Variants in LIPE observed in about 807,000 individuals in gnomAD.
LIPE encodes hormone-sensitive lipase.
In LIPE, 66 loss-of-function variants were observed where a neutral mutation model predicts 88.5. The observed-to-expected ratio is 0.75, with a 90% CI of 0.61 to 0.91. The LOEUF is 0.91. LIPE is among the 40% of genes least tolerant of loss of function. The pLI is 0.00. For synonymous variants in LIPE, 570 were observed against 617.5 expected (o/e 0.92, Z 1.14); for missense variants, 1,346 against 1,434.7 (o/e 0.94, Z 1.00).
chr19:42,421,915 A>G (rs1222944085), intron 1 of LIPE, among the ~76,000 whole-genome samples: 3 of 152,222 alleles, frequency 2.0e-5, no homozygotes, highest in Non-Finnish European at 4.4e-5. Flanking sequence ...AGTTTGCAGG[A>G]ATGAGCCTTT....
chr19:42,426,568 G>A lies in LIPE; in HGVS notation c.582C>T (p.Ala194=), dbSNP rs1459820608. 8.7e-6 allele frequency: 14 copies of A among 1,614,140 alleles called. No individual in the cohort carries two copies. The African/African-American group carries it at 1.2e-4, about 14-fold the overall frequency. ...SDKQTTPVQG[A]KSKQGSLTEL... ...CTGTCAAAGATCCCTGCTTGGATTT[G>A]GCTCCCTGGACTGGCGTTGTTTGCT... Residue 194 remains alanine (A), a synonymous_variant, in exon 1 of 10, where the codon GCC becomes GCT. Transcript: ENST00000244289.
chr19:42,407,830 G>C lies in LIPE; in HGVS notation c.1657-39C>G. On this transcript the variant is annotated intron_variant, in intron 4 of 9. Coordinates refer to ENST00000244289, the MANE Select transcript of LIPE (RefSeq NM_005357.4). The surrounding 1 kb of genome is among the most constrained non-coding windows in gnomAD (Gnocchi z 5.8). ...ACAGAAGGGGTGCTAGGGAAGGTCT[G>C]CCTGCAGGGGTGCCCTTCACCTCTC... 1 of 1,546,120 alleles carries C rather than the reference G, an allele frequency of 6.5e-7. No individual in the cohort carries two copies. Among genetic ancestry groups the C allele is most frequent in the African/African-American group, 1.4e-5 (1 of 73,144 alleles).
rs2040219098 is a variant in LIPE at position 42,407,359 on chromosome 19, T to C, written c.1952A>G (p.His651Arg). Reference protein sequence around the residue: ...PRSRSLIVHFHGGGFVAQTSR... With the variant: ...PRSRSLIVHFRGGGFVAQTSR... ...GGTCTGGGCCACAAAGCCACCGCCG[T>C]GGAAGTGCACTATCAGGGACCGCGA... The change falls in exon 6 of 10, where the codon CAC becomes CGC. Residue 651 changes from histidine to arginine, a missense_variant. Transcript: ENST00000244289. The surrounding 1 kb of genome is among the most constrained non-coding windows in gnomAD (Gnocchi z 5.8). 1.2e-6 allele frequency: 2 copies of C among 1,613,322 alleles called. No homozygotes were observed. The highest frequency in any genetic ancestry group is 1.7e-6 in the Non-Finnish European group (2 of 1,179,738).
chr19:42,421,480 T>C (rs2040597191), intron 1 of LIPE, among the ~76,000 whole-genome samples: 1 of 152,218 alleles, frequency 6.6e-6, no homozygotes, highest in Non-Finnish European at 1.5e-5. Context: ...CTGAGTAATA[T>C]CTGTGTCCCC....
chr19:42,407,024 G>T lies in LIPE; in HGVS notation c.2137+150C>A. 1 of 690,354 alleles carries T rather than the reference G, an allele frequency of 1.4e-6. No homozygotes were observed. Among genetic ancestry groups the T allele is most frequent in the Non-Finnish European group, 2.4e-6 (1 of 423,148 alleles). The allele number at this position is 690,354 out of a possible 1,614,324, so 42.8% of individuals were successfully genotyped here. Reference sequence around the variant, plus strand: ...GGGGACAGAGGATAAAGTGGCTGAGGTGGAAGATTGGGCAGGACCTGGGTG... The same window carrying T: ...GGGGACAGAGGATAAAGTGGCTGAGTTGGAAGATTGGGCAGGACCTGGGTG... On this transcript the variant is annotated intron_variant, in intron 6 of 9. Coordinates refer to ENST00000244289, the MANE Select transcript of LIPE (RefSeq NM_005357.4). The surrounding 1 kb of genome is among the most constrained non-coding windows in gnomAD (Gnocchi z 5.8).
Position 42,402,908 on chromosome 19 carries a change from G to A in LIPE, c.2666C>T (p.Ser889Leu), listed in dbSNP as rs376702744. ...LSLRGNSETS[S>L]DTPEMSLSAE... ...TGACAGCGACATCTCGGGGGTGTCCGACGACGTCTCGGAGTTTCCCCTCAG... is the reference window on the plus strand; with the variant it reads ...TGACAGCGACATCTCGGGGGTGTCCAACGACGTCTCGGAGTTTCCCCTCAG... The change falls in exon 9 of 10, where the codon TCG (serine) becomes TTG (leucine). Residue 889 changes from serine to leucine, a missense_variant. Ser to Leu is a moderately radical substitution (Grantham distance 145). Transcript: ENST00000244289. The A allele has an allele frequency of 8.3e-5, 134 of 1,612,656 alleles. No homozygotes were observed. The highest frequency in any genetic ancestry group is 1.1e-4 in the Non-Finnish European group (128 of 1,179,998).
chr19:42,405,607 C>T, intron 7 of LIPE, 46 bp from the exon 8 acceptor site: 1 of 1,571,320 alleles, frequency 6.4e-7, no homozygotes, highest in East Asian at 2.3e-5. Flanking sequence ...CCTTTCTGGG[C>T]CCAGTTTTAA....
intron 1 of LIPE, chr19:42,423,851 G>A (rs945451081): frequency 8.9e-7 from 1 of 1,123,490 alleles, no homozygotes; most frequent in Admixed American, 4.9e-5. Flanking sequence ...GAGCACCCCA[G>A]CAGGGAAGTC....
intron 1 of LIPE, among the ~76,000 whole-genome samples, chr19:42,416,745 A>G (rs2040495065): frequency 6.6e-6 from 1 of 152,220 alleles, no homozygotes; most frequent in East Asian, 1.9e-4. Context: ...TTTCAAGCCC[A>G]CTGTTGAGAC....
intron 1 of LIPE, among the ~76,000 whole-genome samples, chr19:42,413,440 C>T (rs1020466351): frequency 3.9e-5 from 6 of 152,068 alleles, no homozygotes; most frequent in African/African-American, 1.4e-4. Context: ...CCGAGGCGGG[C>T]GGATCATGAG....
At chr19:42,420,084 G>A (rs1367957139) in intron 1 of LIPE, among the ~76,000 whole-genome samples, 11 of 149,790 alleles carry the variant, frequency 7.3e-5, no homozygotes, top group Non-Finnish European at 5.9e-5. Flanking sequence ...GACTCATGTC[G>A]CCTGCCCCAC....
chr19:42,407,835 C>T lies in LIPE; in HGVS notation c.1657-44G>A, dbSNP rs1274769644. The T allele has an allele frequency of 6.5e-7, 1 of 1,546,644 alleles. No individual in the cohort carries two copies. The highest frequency in any genetic ancestry group is 1.4e-5 in the African/African-American group (1 of 73,026). ...AGGGGTGCTAGGGAAGGTCTGCCTG[C>T]AGGGGTGCCCTTCACCTCTCCCTCT... On this transcript the variant is annotated intron_variant, in intron 4 of 9. Coordinates refer to ENST00000244289, the MANE Select transcript of LIPE (RefSeq NM_005357.4). The surrounding 1 kb of genome is among the most constrained non-coding windows in gnomAD (Gnocchi z 5.8).
At position 42,408,565 on chromosome 19, in the gene LIPE, G is replaced by GAAA; in HGVS notation, c.1420-246_1420-244dup. The GAAA allele has an allele frequency of 7.5e-6, 3 of 398,790 alleles. No homozygotes were observed. Among genetic ancestry groups the GAAA allele is most frequent in the East Asian group, 4.6e-5 (1 of 21,940 alleles). The allele number at this position is 398,790 out of a possible 1,614,324, so 24.7% of individuals were successfully genotyped here. On this transcript the variant is annotated intron_variant, in intron 2 of 9. Transcript: ENST00000244289. This position sits in a 1 kb window ranked among gnomAD's most constrained non-coding sequence, Gnocchi z 4.3. ...ATGACAAGGAATGACGAATGGTTTG[G>GAAA]AAAAAAAAAAAGGCAGTAGGTGGAG...
intron 1 of LIPE, chr19:42,424,847 C>G: frequency 2.8e-6 from 1 of 354,862 alleles, no homozygotes. Context: ...CTTCCTGGGG[C>G]TCCTGTGAAG....
intron 1 of LIPE, chr19:42,423,384 TC>T: frequency 7.8e-7 from 1 of 1,283,752 alleles, no homozygotes; most frequent in South Asian, 1.2e-5. Flanking sequence ...TGTACGAGGT[TC>T]CTTCCGGGCT....
At chr19:42,405,268 GTGCTGGGAT>G in intron 8 of LIPE, 108 bp downstream of exon 8, 1 of 1,050,752 alleles carries the variant, frequency 9.5e-7, no homozygotes, top group South Asian at 1.6e-5. Flanking sequence ...GCCTCCCAAA[GTGCTGGGAT>G]TGCAGGTCTG....
chr19:42,420,801 A>T (rs147045746), intron 1 of LIPE, among the ~76,000 whole-genome samples: 1 of 152,178 alleles, frequency 6.6e-6, no homozygotes, highest in African/African-American at 2.4e-5. Context: ...TTAGCACACA[A>T]ATCTGTTCAC....
chr19:42,405,351 C>A, intron 8 of LIPE, 34 bp downstream of exon 8: 1 of 1,604,946 alleles, frequency 6.2e-7, no homozygotes, highest in Non-Finnish European at 8.5e-7. Context: ...CCTGCCCACC[C>A]TGGCTGGGCA....
chr19:42,425,290 A>G (rs1411601676), intron 1 of LIPE: 1 of 152,680 alleles, frequency 6.5e-6, no homozygotes, highest in African/African-American at 2.4e-5. Context: ...CTGTGGATGG[A>G]TGAATGAACA....
Sources: allele counts gnomAD v4.1 joint callset (sites outside exome capture counted in the v4.1 genomes callset), GRCh38; gene constraint gnomAD v4.1.1; non-coding constraint Gnocchi (gnomAD v3.1); transcripts MANE v1.5; gene names NCBI Gene and HGNC (gene_info 2026-07-23, HGNC 2026-07-21).